The following TTN variants were observed in gnomAD, a reference collection of about 807,000 sequenced individuals.
The protein encoded by TTN is titin, also known as connectin.
TTN carries 1,525 observed loss-of-function variants against 3,223.0 expected under a neutral mutation model. The ratio of observed to expected loss-of-function variants is 0.47; its 90% CI spans 0.45 to 0.49. The LOEUF is 0.49. Ranked by LOEUF, TTN falls within the 20% of genes least tolerant of loss-of-function variation. The probability of loss-of-function intolerance (pLI) is 0.00; values close to 1 mark genes in which losing one functional copy is unlikely to be tolerated. For missense variants in TTN, 40,786 were observed against 43,424.0 expected, an observed-to-expected ratio of 0.94 and a Z score of 5.40; for synonymous variants, 14,094 against 15,161.0, an observed-to-expected ratio of 0.93 and a Z score of 5.17.
At chr2:178,676,944 G>C (rs777630633) in intron 147 of TTN, among the ~76,000 whole-genome samples, 3 of 151,532 alleles carry the variant, frequency 2.0e-5, no homozygotes, top group Non-Finnish European at 4.4e-5. Flanking sequence ...TGAAAACTAT[G>C]ATGTTTAATC....
Position 178,733,711 on chromosome 2 carries a change from T to C in TTN, c.15678A>G (p.Ile5226Met). 1 of 1,613,886 alleles carries C rather than the reference T, an allele frequency of 6.2e-7. No individual in the cohort carries two copies. The highest frequency in any genetic ancestry group is 1.1e-5 in the South Asian group (1 of 91,086). The change falls in exon 53 of 363, where the codon ATA (isoleucine) becomes ATG (methionine). Residue 5226 changes from isoleucine (I) to methionine (M), a missense_variant. By Grantham distance (10) the Ile-to-Met change is conservative. Transcript: ENST00000589042. Reference protein sequence around the residue: ...MSFSNGVAVLIIPDVQISFGG... With the variant: ...MSFSNGVAVLMIPDVQISFGG... ...CAAAACTAATCTGAACATCAGGGAT[T>C]ATCAAGACTGCAACACCATTGGAAA...
chr2:178,542,806 A>G lies in TTN; in HGVS notation c.97048T>C (p.Ser32350Pro). The G allele has an allele frequency of 6.2e-7, 1 of 1,613,770 alleles. No homozygotes were observed. The highest frequency in any genetic ancestry group is 1.1e-5 in the South Asian group (1 of 91,080). The change falls in exon 348 of 363, where the codon TCA (serine) becomes CCA (proline). Residue 32350 changes from serine to proline, a missense_variant. Transcript: ENST00000589042. ...TGAGTTTCAACTGTGACACGCTCTG[A>G]TTCTCTCAGTTTAGAACCAGCAAAG... ...WFFAGSKLRE[S>P]ERVTVETHTK...
chr2:178,534,232 A>C lies in TTN; in HGVS notation c.102383T>G (p.Val34128Gly). Reference protein sequence around the residue: ...RSQKGVSVAKVKVASIEIGPV... With the variant: ...RSQKGVSVAKGKVASIEIGPV... The stretch of plus-strand genomic sequence containing the variant: ...GCCAATTTCAATGGATGCCACTTTA[A>C]CTTTAGCAACACTCACTCCCTTCTG... Residue 34128 changes from valine (V) to glycine (G), a missense_variant, in exon 358 of 363, where the codon GTT becomes GGT. Physicochemically the swap from Val to Gly is moderately radical, Grantham distance 109. Transcript: ENST00000589042. 1.9e-6 allele frequency: 3 copies of C among 1,613,920 alleles called. No individual in the cohort carries two copies. The highest frequency in any genetic ancestry group is 2.5e-6 in the Non-Finnish European group (3 of 1,179,844).
intron 13 of TTN, among the ~76,000 whole-genome samples, chr2:178,787,124 T>C (rs2093239359): frequency 6.6e-6 from 1 of 152,132 alleles, no homozygotes; most frequent in African/African-American, 2.4e-5. Flanking sequence ...TAATATTCAG[T>C]TTTCTATACC....
At chr2:178,715,949 T>C (rs1226292681) in intron 88 of TTN, among the ~76,000 whole-genome samples, 175 bp from the exon 89 acceptor site, 1 of 152,110 alleles carries the variant, frequency 6.6e-6, no homozygotes, top group Non-Finnish European at 1.5e-5. Flanking sequence ...TAAAATAAAA[T>C]ATGCTTGTTT....
intron 137 of TTN, 93 bp downstream of exon 137, chr2:178,681,283 G>C: frequency 6.9e-7 from 1 of 1,442,636 alleles, no homozygotes; most frequent in Non-Finnish European, 9.5e-7. Context: ...ATCCTACTCA[G>C]CAAAAACACA....
chr2:178,790,699 A>C lies in TTN; in HGVS notation c.1800+9T>G, dbSNP rs1012796976. 1.9e-6 allele frequency: 3 copies of C among 1,614,094 alleles called. No individual in the cohort carries two copies. Among genetic ancestry groups the C allele is most frequent in the Middle Eastern group, 1.6e-4 (1 of 6,062 alleles). On this transcript the variant is annotated intron_variant, in intron 11 of 362. Transcript: ENST00000589042. ...AAGAGTGACTTTCACATTGGCAGGA[A>C]GTCATCACCTTTTCATAACTTAGGT...
At position 178,540,169 on chromosome 2, in the gene TTN, G is replaced by A. The variant is rs1031941089; in HGVS notation, c.97997C>T (p.Pro32666Leu). Residue 32666 changes from proline to leucine, a missense_variant, in exon 351 of 363, where the codon CCT (proline) becomes CTT (leucine). Pro to Leu is a moderately conservative substitution (Grantham distance 98, BLOSUM62 -3). Transcript: ENST00000589042. ...KIREYTLTHLPQGAEYRFRVL... is the reference protein window; with the variant it reads ...KIREYTLTHLLQGAEYRFRVL... ...GCGGAACCTGTATTCTGCACCCTGA[G>A]GTAGGTGTGTTAGAGTATACTCTCG... The A allele has an allele frequency of 1.2e-6, 2 of 1,613,726 alleles. No individual in the cohort carries two copies. The highest frequency in any genetic ancestry group is 4.5e-5 in the East Asian group (2 of 44,884).
rs200103997 is a variant in TTN, at chr2:178,718,054, C to T, written c.24952G>A (p.Val8318Ile). Residue 8318 changes from valine (V) to isoleucine (I), a missense_variant, in exon 86 of 363, where the codon GTT (valine) becomes ATT (isoleucine). By Grantham distance (29) the Val-to-Ile change is conservative (BLOSUM62 3). Transcript: ENST00000589042. ...PAYKMQFKNN[V>I]ASLVINKVDH... ...ACTTTGTTGATTACTAAGGAAGCAA[C>T]GTTATTTTTGAATTGCATTTTATAT... 1,209 of 1,613,726 alleles carry T rather than the reference C, an allele frequency of 7.5e-4. No homozygotes were observed. Among genetic ancestry groups the T allele is most frequent in the Non-Finnish European group, 9.7e-4 (1,149 of 1,179,700 alleles).
intron 90 of TTN, 147 bp downstream of exon 90, chr2:178,714,839 C>T (rs1484194886): frequency 9.1e-7 from 1 of 1,093,050 alleles, no homozygotes; most frequent in Non-Finnish European, 1.3e-6. Flanking sequence ...AAAAGGGAAG[C>T]AGACTAAACA....
intron 248 of TTN, 38 bp from the exon 249 acceptor site, chr2:178,620,150 A>G (rs1159394774): frequency 1.9e-6 from 3 of 1,595,810 alleles, no homozygotes; most frequent in Middle Eastern, 1.7e-4. Context: ...GCTTGCAATG[A>G]TGGCCACTAA....
At position 178,551,012 on chromosome 2, in the gene TTN, G is replaced by T; in HGVS notation, c.91519C>A (p.Pro30507Thr). The change falls in exon 336 of 363, where the codon CCG (proline) becomes ACG (threonine). Residue 30507 changes from proline (P) to threonine (T), a missense_variant. Transcript: ENST00000589042. ...ATAATGCCAGAAGACTGTGAGGGCGGGCTTATAGTTCCAACAGCATTTCTT... is the reference window on the plus strand; with the variant it reads ...ATAATGCCAGAAGACTGTGAGGGCGTGCTTATAGTTCCAACAGCATTTCTT... The part of the protein sequence containing the change: ...IARNAVGTIS[P>T]PSQSSGIIMT... 1 of 1,613,292 alleles carries T rather than the reference G, an allele frequency of 6.2e-7. No homozygotes were observed. Among genetic ancestry groups the T allele is most frequent in the Non-Finnish European group, 8.5e-7 (1 of 1,179,566 alleles).
rs370597107 is a variant in TTN, at chr2:178,641,287, T to C, written c.40587A>G (p.Glu13529=). 382 of 1,509,632 alleles carry C rather than the reference T, an allele frequency of 2.5e-4. 1 individual carries two copies. The African/African-American group carries it at 4.9e-3, about 19-fold the overall frequency. The allele number at this position is 1,509,632 out of a possible 1,614,324, so 93.5% of individuals were successfully genotyped here. Residue 13529 remains glutamate (E), a synonymous_variant, in exon 220 of 363, where the codon GAA becomes GAG. Coordinates refer to ENST00000589042, the MANE Select transcript of TTN (RefSeq NM_001267550.2). ...CTAGTTTTTTAGGTTCTACTTTAGGTTCTTCTTCTTCAGGTCTTTTTCTTA... is the reference window on the plus strand; with the variant it reads ...CTAGTTTTTTAGGTTCTACTTTAGGCTCTTCTTCTTCAGGTCTTTTTCTTA... ...SVLRKRPEEE[E]PKVEPKKLEK...
chr2:178,553,249 G>C lies in TTN; in HGVS notation c.89651C>G (p.Ala29884Gly). Residue 29884 changes from alanine to glycine, a missense_variant, in exon 335 of 363, where the codon GCC becomes GGC. Coordinates refer to ENST00000589042, the MANE Select transcript of TTN (RefSeq NM_001267550.2). Reference sequence around the variant, plus strand: ...ATCAGTGTTTTCAATGCTGTATCTGGCATCACTGCCAAGATTCTTCTCATC... The same window carrying C: ...ATCAGTGTTTTCAATGCTGTATCTGCCATCACTGCCAAGATTCTTCTCATC... ...RKDEKNLGSD[A>G]RYSIENTDSS... 6.2e-7 allele frequency: 1 copy of C among 1,613,028 alleles called. No homozygotes were observed. Among genetic ancestry groups the C allele is most frequent in the Non-Finnish European group, 8.5e-7 (1 of 1,179,804 alleles).
chr2:178,678,161 G>A lies in TTN; in HGVS notation c.33958C>T (p.Pro11320Ser), dbSNP rs2068521793. 6.2e-7 allele frequency: 1 copy of A among 1,611,326 alleles called. No individual in the cohort carries two copies. Among genetic ancestry groups the A allele is most frequent in the Non-Finnish European group, 8.5e-7 (1 of 1,178,936 alleles). The change falls in exon 145 of 363, where the codon CCT becomes TCT. Residue 11320 changes from proline (P) to serine (S), a missense_variant. Coordinates refer to ENST00000589042, the MANE Select transcript of TTN (RefSeq NM_001267550.2). ...KLIPEEKKPT[P>S]VPKKVEAPPP... ...GGTGCTTCCACTTTTTTCGGAACAG[G>A]TGTTGGTTTCTTTTCTTCTGGGATG...
rs1246630590 is a variant in TTN, at chr2:178,549,463, A to G, written c.92163T>C (p.Asp30721=). 2 of 1,603,482 alleles carry G rather than the reference A, an allele frequency of 1.2e-6. No homozygotes were observed. The highest frequency in any genetic ancestry group is 2.2e-5 in the East Asian group (1 of 44,674). The stretch of plus-strand genomic sequence containing the variant: ...TGCTAGGTTCTGGAATGCCAGGGGC[A>G]TCAGGAACAGCTGTAAAACAAAAAC... ...VVAQIQYTVP[D]APGIPEPSNI... The change falls in exon 339 of 363, where the codon GAT becomes GAC. Residue 30721 remains aspartate (D), a synonymous_variant. Coordinates refer to ENST00000589042, the MANE Select transcript of TTN (RefSeq NM_001267550.2).
intron 147 of TTN, 94 bp downstream of exon 147, chr2:178,677,107 T>C (rs1263467210): frequency 1.1e-4 from 81 of 741,130 alleles, no homozygotes; most frequent in Non-Finnish European, 1.3e-4. Flanking sequence ...GATTATCCAT[T>C]TTGTAAATAT....
At chr2:178,790,968 C>T in intron 10 of TTN, 123 bp from the exon 11 acceptor site, 1 of 1,221,300 alleles carries the variant, frequency 8.2e-7, no homozygotes, top group South Asian at 1.3e-5. Context: ...GTCAGATTTC[C>T]ATTTCAGGGG....
At chr2:178,678,295 A>T in intron 144 of TTN, 87 bp from the exon 145 acceptor site, 1 of 1,516,102 alleles carries the variant, frequency 6.6e-7, no homozygotes, top group Non-Finnish European at 9.0e-7. Context: ...AAAATATCTG[A>T]CATATTTCTA....
Sources: allele counts gnomAD v4.1 joint callset (sites outside exome capture counted in the v4.1 genomes callset), GRCh38; gene constraint gnomAD v4.1.1; transcripts MANE v1.5; gene names NCBI Gene and HGNC (gene_info 2026-07-23, HGNC 2026-07-21).